The following FRMPD4 variants were observed in gnomAD, a reference collection of about 807,000 sequenced individuals.
FRMPD4 encodes the protein FERM and PDZ domain-containing protein 4.
In FRMPD4, 22 loss-of-function variants were observed where a neutral mutation model predicts 94.1. That is an observed-to-expected ratio of 0.23 (90% CI 0.17 to 0.33). The LOEUF is 0.33. Among genes scored for constraint, FRMPD4 ranks in the 10% least tolerant of loss-of-function variants. The pLI is 1.00. For missense variants in FRMPD4, 1,111 were observed against 1,339.9 expected (o/e 0.83, Z 2.67); for synonymous variants, 631 against 548.6 (o/e 1.15, Z -2.10).
chrX:11,878,925 G>A (rs1410011881), intron 3 of FRMPD4, among the ~76,000 whole-genome samples: 3 of 112,179 alleles, frequency 2.7e-5, no homozygotes, highest in Non-Finnish European at 5.6e-5. Context: ...CACAGGTTAA[G>A]AGAAGCTCTC....
intron 3 of FRMPD4, among the ~76,000 whole-genome samples, chrX:11,962,425 T>C (rs988819035): frequency 1.8e-5 from 2 of 112,033 alleles, no homozygotes; most frequent in African/African-American, 6.5e-5. Context: ...TGCTCATGAC[T>C]TGATCATTTT....
At chrX:12,098,829 A>C (rs776691351) in intron 3 of FRMPD4, among the ~76,000 whole-genome samples, 1 of 110,616 alleles carries the variant, frequency 9.0e-6, no homozygotes, top group African/African-American at 3.3e-5. Flanking sequence ...TAACTGATGC[A>C]TCTGAAGGTG....
intron 8 of FRMPD4, among the ~76,000 whole-genome samples, chrX:12,692,446 T>C (rs779759022): frequency 8.9e-6 from 1 of 112,585 alleles, no homozygotes; most frequent in Admixed American, 9.4e-5. Flanking sequence ...TTATATTTTT[T>C]CCAATAATAA....
intron 1 of FRMPD4, among the ~76,000 whole-genome samples, chrX:12,314,074 C>CA (rs768401407): frequency 6.2e-5 from 7 of 112,407 alleles, no homozygotes; most frequent in Non-Finnish European, 1.3e-4. Flanking sequence ...GAATTCAGGG[C>CA]AAAACACAAG....
chrX:12,572,688 G>A (rs1361385404), intron 2 of FRMPD4, among the ~76,000 whole-genome samples: 1 of 111,169 alleles, frequency 9.0e-6, no homozygotes, highest in Non-Finnish European at 1.9e-5. Flanking sequence ...ACTATACTAC[G>A]AACTAAACTG....
At chrX:12,008,364 A>G (rs192620339) in intron 3 of FRMPD4, among the ~76,000 whole-genome samples, 50 of 111,903 alleles carry the variant, frequency 4.5e-4, no homozygotes, top group African/African-American at 1.6e-3. Context: ...GGCTGACATC[A>G]GGACTTTAGG....
intron 1 of FRMPD4, among the ~76,000 whole-genome samples, chrX:11,852,442 CAA>C (rs374590200): frequency 0.045 from 2,380 of 52,563 alleles, 45 homozygotes; most frequent in African/African-American, 0.11. Flanking sequence ...ACCCTGTCTC[CAA>C]AAAAAAAAAA....
At chrX:11,969,476 C>T (rs942129489) in intron 3 of FRMPD4, among the ~76,000 whole-genome samples, 6 of 111,727 alleles carry the variant, frequency 5.4e-5, no homozygotes, top group Non-Finnish European at 5.6e-5. Context: ...TCATCAGTGA[C>T]GTGGATAATG....
chrX:11,827,062 T>TTATATATATACA (rs1555909821), intron 1 of FRMPD4, among the ~76,000 whole-genome samples: 1 of 80,605 alleles, frequency 1.2e-5, no homozygotes. Context: ...TAGATGGAAA[T>TTATATATATACA]TATATATATA....
At chrX:12,079,268 C>T (rs745574998) in intron 3 of FRMPD4, among the ~76,000 whole-genome samples, 35 of 110,661 alleles carry the variant, frequency 3.2e-4, no homozygotes, top group African/African-American at 1.2e-3. Flanking sequence ...GAAAAGTTCT[C>T]TATGTTTATT....
Position 12,104,493 on chromosome X carries a change from G to T in FRMPD4, c.95+226475G>T, listed in dbSNP as rs140104894. Among the ~76,000 whole-genome samples the T allele has an allele frequency of 4.3e-3, 481 of 111,699 alleles. 2 individuals are homozygous for T. Among genetic ancestry groups the T allele is most frequent in the African/African-American group, 0.015 (450 of 30,785 alleles). On this transcript the variant is annotated intron_variant, in intron 3 of 18. Transcript: ENST00000640291. ...TTTCAAAACTATTTAATATCTGTGG[G>T]GCCTGGATTTCTATCATTATATAAT...
At chrX:12,442,548 G>C (rs1327912529) in intron 1 of FRMPD4, among the ~76,000 whole-genome samples, 1 of 111,815 alleles carries the variant, frequency 8.9e-6, no homozygotes, top group African/African-American at 3.2e-5. Context: ...CATTCTTTAG[G>C]ATTCCTAACA....
chrX:12,656,855 G>A (rs748420164), intron 4 of FRMPD4, among the ~76,000 whole-genome samples: 48 of 111,294 alleles, frequency 4.3e-4, no homozygotes, highest in South Asian at 2.7e-3. Context: ...TTGGGAGGCC[G>A]AGGCAGGCAG....
At chrX:12,570,295 A>ATTTAT (rs140468530) in intron 2 of FRMPD4, among the ~76,000 whole-genome samples, 1,321 of 102,337 alleles carry the variant, frequency 0.013, 22 homozygotes, top group African/African-American at 0.041. Context: ...CTTTACATAT[A>ATTTAT]TTTATTTTAT....
Position 12,096,679 on chromosome X carries a change from G to A in FRMPD4, c.95+218661G>A, listed in dbSNP as rs2055206272. Among the ~76,000 whole-genome samples the A allele has an allele frequency of 3.6e-5, 4 of 111,523 alleles. No homozygotes were observed. The South Asian group carries it at 1.1e-3, about 32-fold the overall frequency. On this transcript the variant is annotated intron_variant, in intron 3 of 18. Coordinates refer to the FRMPD4 transcript ENST00000640291. Reference sequence around the variant, plus strand: ...GCAGTAGGGTTACTTGAGCCCAGGAGTTTGATGCCAGCCTGGGCAACATAG... The same window carrying A: ...GCAGTAGGGTTACTTGAGCCCAGGAATTTGATGCCAGCCTGGGCAACATAG...
chrX:12,695,877 C>T (rs1404653976), intron 9 of FRMPD4, among the ~76,000 whole-genome samples: 1 of 111,447 alleles, frequency 9.0e-6, no homozygotes, highest in African/African-American at 3.3e-5. Flanking sequence ...GCTGGGATTA[C>T]AGGCATGCAC....
chrX:12,261,499 A>G (rs760671074), intron 1 of FRMPD4, among the ~76,000 whole-genome samples: 1 of 111,725 alleles, frequency 9.0e-6, no homozygotes, highest in African/African-American at 3.2e-5. Context: ...GACACATAAG[A>G]AGAGACTACT....
chrX:12,601,072 A>G (rs1021332910), intron 2 of FRMPD4, among the ~76,000 whole-genome samples: 58 of 112,510 alleles, frequency 5.2e-4, no homozygotes, highest in Admixed American at 9.4e-5. Flanking sequence ...GCCTCCTAAA[A>G]TTCTCCAACA....
chrX:11,866,452 A>T (rs2053719201), intron 2 of FRMPD4, among the ~76,000 whole-genome samples: 1 of 111,982 alleles, frequency 8.9e-6, no homozygotes, highest in South Asian at 3.7e-4. Context: ...CATTCTAGGG[A>T]TCTGGAAATC....
Sources: gnomAD v4.1 joint callset for allele counts (sites outside exome capture counted in the v4.1 genomes callset) on GRCh38, gnomAD v4.1.1 for gene constraint, MANE v1.5 for transcripts, NCBI Gene and HGNC (gene_info 2026-07-23, HGNC 2026-07-21) for gene names.